Variants in EXT1 observed in about 807,000 individuals in gnomAD.
The protein encoded by EXT1 is exostosin glycosyltransferase 1, also known as exostosin-1.
In EXT1, 20 loss-of-function variants were observed where a neutral mutation model predicts 82.5. That is an observed-to-expected ratio of 0.24 (90% confidence interval 0.17 to 0.35). The LOEUF (loss-of-function observed/expected upper bound fraction) is 0.35. EXT1 is among the 10% of genes least tolerant of loss of function. The pLI is 1.00. For synonymous variants in EXT1, 348 were observed against 350.8 expected, an observed-to-expected ratio of 0.99 and a Z score of 0.09; for missense variants, 757 against 936.5, an observed-to-expected ratio of 0.81 and a Z score of 2.50.
At chr8:117,883,234 ATTT>A (rs1813092049) in intron 1 of EXT1, among the ~76,000 whole-genome samples, 1 of 152,108 alleles carries the variant, frequency 6.6e-6, no homozygotes, top group Admixed American at 6.5e-5. Context: ...TGTGATTTGA[ATTT>A]TTCTTTTGAG....
At position 118,111,204 on chromosome 8, in the gene EXT1, G is replaced by T; in HGVS notation, c.-158C>A. ...GATGCCTTTCCCCAAGCCGTGGACT[G>T]ATCCAGCGCATGTGGGCGATTTCTT... On this transcript the variant is annotated 5_prime_UTR_variant, in exon 1 of 11. Transcript: ENST00000378204. 2.9e-6 allele frequency: 3 copies of T among 1,052,108 alleles called. No individual in the cohort carries two copies. Among genetic ancestry groups the T allele is most frequent in the South Asian group, 2.8e-5 (2 of 72,222 alleles). 65.2% of individuals were successfully genotyped at this position (1,052,108 alleles called of 1,614,324 possible). A position where few individuals can be genotyped will look rare whatever the true frequency, so the allele number is the denominator to read the frequency against.
rs557274702 is a variant in EXT1 at position 118,103,236 on chromosome 8, T to C, written c.962+6849A>G. ...ATCATCAGTCACTGCAGCCTCAATGTCCCAGACTCAAGCAATCCTCCCACC... is the reference window on the plus strand; with the variant it reads ...ATCATCAGTCACTGCAGCCTCAATGCCCCAGACTCAAGCAATCCTCCCACC... On this transcript the variant is annotated intron_variant, in intron 1 of 10. Coordinates refer to ENST00000378204, the MANE Select transcript of EXT1 (RefSeq NM_000127.3). Among the ~76,000 whole-genome samples the C allele has an allele frequency of 7.9e-5, 12 of 152,274 alleles. No individual in the cohort carries two copies. The East Asian group carries it at 2.3e-3, about 29-fold the overall frequency.
chr8:117,973,930 C>CAAGCAAGGAAGG (rs1307145988), intron 1 of EXT1, among the ~76,000 whole-genome samples: 2 of 79,500 alleles, frequency 2.5e-5, no homozygotes, highest in Non-Finnish European at 5.0e-5. Flanking sequence ...AGGCAGAAAG[C>CAAGCAAGGAAGG]AAGGAAGGAA....
chr8:117,984,274 C>T (rs569018669), intron 1 of EXT1, among the ~76,000 whole-genome samples: 2 of 152,030 alleles, frequency 1.3e-5, no homozygotes, highest in South Asian at 4.2e-4. Context: ...CAAAAATTAG[C>T]TGGGTGTGGT....
chr8:117,832,742 G>C (rs1043340244), intron 3 of EXT1, among the ~76,000 whole-genome samples: 1 of 152,160 alleles, frequency 6.6e-6, no homozygotes, highest in Non-Finnish European at 1.5e-5. Flanking sequence ...GTGTCTGACA[G>C]CACTCTGCAA....
chr8:117,843,661 G>A (rs543781130), intron 1 of EXT1, among the ~76,000 whole-genome samples: 1 of 152,264 alleles, frequency 6.6e-6, no homozygotes, highest in South Asian at 2.1e-4. Context: ...TCCCTTGCAG[G>A]TGACTGGGGT....
Position 117,796,301 on chromosome 8 carries a change from G to A in EXT1, c.*3411C>T, listed in dbSNP as rs964964713. Reference sequence around the variant, plus strand: ...TCTCATTCAGATTCCAACCTAGTAAGGCTGTCTTCCCCCTGATCCTGCCCT... The same window carrying A: ...TCTCATTCAGATTCCAACCTAGTAAAGCTGTCTTCCCCCTGATCCTGCCCT... On this transcript the variant is annotated 3_prime_UTR_variant, in exon 11 of 11. Transcript: ENST00000378204. 1 of 151,346 alleles carries A rather than the reference G, an allele frequency of 6.6e-6. No individual in the cohort carries two copies. The highest frequency in any genetic ancestry group is 6.6e-5 in the Admixed American group (1 of 15,204). The allele number at this position is 151,346 out of a possible 1,614,324, so 9.4% of individuals were successfully genotyped here.
intron 1 of EXT1, among the ~76,000 whole-genome samples, chr8:118,034,761 G>C (rs143486901): frequency 6.6e-6 from 1 of 152,140 alleles, no homozygotes; most frequent in Non-Finnish European, 1.5e-5. Flanking sequence ...GATGGCTAGG[G>C]ACCACTCTGA....
Position 118,111,053 on chromosome 8 carries a change from T to C in EXT1, c.-7A>G. The C allele has an allele frequency of 6.3e-7, 1 of 1,588,870 alleles. No individual in the cohort carries two copies. ...AGCGTTTTTTGGCCTGCATGTGTCC[T>C]GCCTGGGTCAAGAGGATTGTAAATA... On this transcript the variant is annotated 5_prime_UTR_variant, in exon 1 of 11. Coordinates refer to ENST00000378204, the MANE Select transcript of EXT1 (RefSeq NM_000127.3).
chr8:117,942,925 C>T (rs1051025828), intron 1 of EXT1, among the ~76,000 whole-genome samples: 4 of 152,346 alleles, frequency 2.6e-5, no homozygotes, highest in Admixed American at 1.3e-4. Flanking sequence ...AAATACAGAG[C>T]TTCTTGGACC....
chr8:118,015,662 A>G (rs2129845062), intron 1 of EXT1, among the ~76,000 whole-genome samples: 1 of 152,288 alleles, frequency 6.6e-6, no homozygotes, highest in Non-Finnish European at 1.5e-5. Flanking sequence ...CATCTAAACT[A>G]AGAAGGGGGT....
intron 1 of EXT1, among the ~76,000 whole-genome samples, chr8:117,871,604 T>A (rs1011349865): frequency 2.0e-5 from 3 of 152,176 alleles, no homozygotes; most frequent in African/African-American, 7.2e-5. Flanking sequence ...GTTACCCCAA[T>A]GCAAGAACGG....
intron 1 of EXT1, among the ~76,000 whole-genome samples, chr8:117,984,417 A>C (rs1815269682): frequency 6.6e-6 from 1 of 150,604 alleles, no homozygotes; most frequent in Admixed American, 6.6e-5. Flanking sequence ...TGATAGAGTG[A>C]AACTCCGTCT....
chr8:118,024,180 G>A (rs1034120130), intron 1 of EXT1, among the ~76,000 whole-genome samples: 4 of 152,188 alleles, frequency 2.6e-5, no homozygotes, highest in Non-Finnish European at 5.9e-5. Context: ...ATCAAGGAAG[G>A]TGAGAAAATG....
intron 1 of EXT1, among the ~76,000 whole-genome samples, chr8:118,042,570 C>T (rs1330689426): frequency 6.6e-6 from 1 of 152,198 alleles, no homozygotes; most frequent in Non-Finnish European, 1.5e-5. Context: ...GCTGGGATTA[C>T]AGGCATGAGC....
At chr8:117,908,079 C>T (rs955769338) in intron 1 of EXT1, among the ~76,000 whole-genome samples, 3 of 152,160 alleles carry the variant, frequency 2.0e-5, no homozygotes, top group Non-Finnish European at 2.9e-5. Context: ...TTTAGCCAAA[C>T]ATTAAAGTTT....
chr8:117,809,209 G>GTATAAATATATA (rs1471755255), intron 8 of EXT1, among the ~76,000 whole-genome samples: 1,560 of 85,142 alleles, frequency 0.018, 30 homozygotes, highest in East Asian at 0.067. Flanking sequence ...ATATGTGTGT[G>GTATAAATATATA]TGTGTATAAA....
chr8:117,998,238 T>G (rs535679020), intron 1 of EXT1, among the ~76,000 whole-genome samples: 11 of 152,082 alleles, frequency 7.2e-5, no homozygotes, highest in Non-Finnish European at 1.5e-4. Flanking sequence ...GCTCTTGAAC[T>G]CCTGACCTCG....
At chr8:117,890,153 C>G (rs1300250546) in intron 1 of EXT1, among the ~76,000 whole-genome samples, 2 of 152,290 alleles carry the variant, frequency 1.3e-5, no homozygotes, top group Non-Finnish European at 2.9e-5. Context: ...GACTTACATA[C>G]AGTAGAGATT....
Sources: gnomAD v4.1 joint callset for allele counts (sites outside exome capture counted in the v4.1 genomes callset) on GRCh38, gnomAD v4.1.1 for gene constraint, MANE v1.5 for transcripts, NCBI Gene and HGNC (gene_info 2026-07-23, HGNC 2026-07-21) for gene names.